Variants in TLL1 observed in about 807,000 individuals in gnomAD.
The protein encoded by TLL1 is tolloid like 1, also known as tolloid-like protein 1.
A neutral mutation model predicts 128.2 loss-of-function variants in TLL1; 49 were observed. The observed-to-expected ratio is 0.38, with a 90% confidence interval of 0.30 to 0.48. TLL1 has a LOEUF of 0.48. TLL1 is among the 20% of genes least tolerant of loss of function. The pLI, the probability that TLL1 is intolerant of heterozygous loss-of-function variation, is 0.96. For synonymous variants in TLL1, 454 were observed against 418.8 expected (o/e 1.08, Z -1.03); for missense variants, 1,123 against 1,242.0 (o/e 0.90, Z 1.44).
At chr4:166,016,472 A>T (rs888202305) in intron 8 of TLL1, among the ~76,000 whole-genome samples, 38 of 152,216 alleles carry the variant, frequency 2.5e-4, no homozygotes, top group African/African-American at 8.9e-4. Context: ...AGGAAGAATA[A>T]AAAACTAACC....
At chr4:166,081,455 C>G (rs765806260) in intron 18 of TLL1, among the ~76,000 whole-genome samples, 8 of 152,158 alleles carry the variant, frequency 5.3e-5, no homozygotes, top group Non-Finnish European at 1.2e-4. Context: ...CACAAATGTT[C>G]TTGTGAGCAG....
intron 1 of TLL1, among the ~76,000 whole-genome samples, chr4:165,966,047 TG>T (rs1380930207): frequency 1.3e-5 from 2 of 151,580 alleles, no homozygotes; most frequent in Non-Finnish European, 2.9e-5. Flanking sequence ...GGTGTGGTGG[TG>T]GGCGCCTGTA....
chr4:165,991,876 G>A (rs1277885869), intron 2 of TLL1, among the ~76,000 whole-genome samples: 4 of 151,888 alleles, frequency 2.6e-5, no homozygotes, highest in African/African-American at 9.7e-5. Flanking sequence ...GATGTCATTA[G>A]TGGCTGTATT....
intron 20 of TLL1, 69 bp from the exon 21 acceptor site, chr4:166,100,673 G>A (rs113057991): frequency 1.3e-5 from 21 of 1,593,860 alleles, no homozygotes; most frequent in East Asian, 1.1e-4. Context: ...CCAAACATGC[G>A]TTACACTGAA....
At chr4:166,091,498 A>G (rs1306129720) in intron 19 of TLL1, among the ~76,000 whole-genome samples, 157 bp downstream of exon 19, 3 of 152,128 alleles carry the variant, frequency 2.0e-5, no homozygotes, top group African/African-American at 7.2e-5. Context: ...ACCATACAGC[A>G]TCCTACCTAA....
intron 18 of TLL1, among the ~76,000 whole-genome samples, chr4:166,079,016 TTAG>T (rs1741165198): frequency 6.6e-6 from 1 of 152,210 alleles, no homozygotes; most frequent in Non-Finnish European, 1.5e-5. Flanking sequence ...ATTCATATTC[TTAG>T]TATGGAGGTC....
chr4:166,029,501 ATAT>A (rs1738657601), intron 9 of TLL1, among the ~76,000 whole-genome samples: 1 of 152,022 alleles, frequency 6.6e-6, no homozygotes, highest in Non-Finnish European at 1.5e-5. Context: ...ATAAACTATA[ATAT>A]TATTGTGGTA....
At chr4:165,889,566 A>G (rs1252673174) in intron 1 of TLL1, among the ~76,000 whole-genome samples, 1 of 152,244 alleles carries the variant, frequency 6.6e-6, no homozygotes, top group Non-Finnish European at 1.5e-5. Context: ...GTAAAGTGGT[A>G]TCACAAGTTA....
At chr4:166,098,360 T>G (rs535873997) in intron 19 of TLL1, among the ~76,000 whole-genome samples, 1 of 147,278 alleles carries the variant, frequency 6.8e-6, no homozygotes, top group Admixed American at 6.8e-5. Flanking sequence ...AAAAAAGCTT[T>G]GGGGCTCTGA....
chr4:165,897,419 G>C (rs976143791), intron 1 of TLL1, among the ~76,000 whole-genome samples: 2 of 152,072 alleles, frequency 1.3e-5, no homozygotes, highest in Non-Finnish European at 2.9e-5. Flanking sequence ...GTAAGGAAGT[G>C]GTCCAGTTTC....
Position 166,003,375 on chromosome 4 carries a change from T to A in TLL1, c.633-16T>A. 4.3e-6 allele frequency: 7 copies of A among 1,613,872 alleles called. No individual in the cohort carries two copies. Among genetic ancestry groups the A allele is most frequent in the Non-Finnish European group, 5.9e-6 (7 of 1,179,814 alleles). On this transcript the variant is annotated splice_polypyrimidine_tract_variant and intron_variant, in intron 5 of 20. Coordinates refer to ENST00000061240, the MANE Select transcript of TLL1 (RefSeq NM_012464.5). Reference sequence around the variant, plus strand: ...CCACCTTTCCACCACCATCTCCACTTTCTCTTTTATTCCAGATGCTGCTCC... The same window carrying A: ...CCACCTTTCCACCACCATCTCCACTATCTCTTTTATTCCAGATGCTGCTCC...
intron 1 of TLL1, among the ~76,000 whole-genome samples, chr4:165,979,542 T>C (rs568469878): frequency 2.0e-4 from 30 of 152,294 alleles, no homozygotes; most frequent in African/African-American, 6.3e-4. Context: ...ATATTTGTGA[T>C]ACTGGTTACT....
chr4:166,090,209 T>G (rs373007110), intron 18 of TLL1, among the ~76,000 whole-genome samples: 1 of 2,876 alleles, frequency 3.5e-4, no homozygotes, highest in Non-Finnish European at 2.8e-3. Context: ...TTCTATAGAC[T>G]TAAGTAGGAA....
intron 20 of TLL1, 150 bp downstream of exon 20, chr4:166,099,677 T>C (rs1039178004): frequency 9.5e-7 from 1 of 1,054,716 alleles, no homozygotes; most frequent in African/African-American, 1.6e-5. Context: ...TGACAAAATA[T>C]AACACGTCTC....
At chr4:165,880,921 C>A (rs2110810597) in intron 1 of TLL1, among the ~76,000 whole-genome samples, 1 of 152,276 alleles carries the variant, frequency 6.6e-6, no homozygotes, top group African/African-American at 2.4e-5. Flanking sequence ...TTCTTTGCCT[C>A]TGAGTGTATT....
intron 1 of TLL1, among the ~76,000 whole-genome samples, chr4:165,896,505 C>A (rs1731687839): frequency 7.3e-6 from 1 of 137,338 alleles, no homozygotes; most frequent in Admixed American, 7.5e-5. Flanking sequence ...TTTTTTCAGA[C>A]CGAGTCTCAC....
intron 1 of TLL1, among the ~76,000 whole-genome samples, chr4:165,927,550 A>G (rs1439659286): frequency 6.6e-6 from 1 of 152,206 alleles, no homozygotes; most frequent in Non-Finnish European, 1.5e-5. Context: ...ATATGAGAGT[A>G]TTGGTTTGAA....
intron 5 of TLL1, 142 bp from the exon 6 acceptor site, chr4:166,003,249 A>G: frequency 1.3e-6 from 1 of 781,258 alleles, no homozygotes; most frequent in Non-Finnish European, 2.2e-6. Flanking sequence ...GAAACTAGTC[A>G]TATGTAGTAA....
At chr4:165,947,621 C>T (rs1734320006) in intron 1 of TLL1, among the ~76,000 whole-genome samples, 1 of 151,998 alleles carries the variant, frequency 6.6e-6, no homozygotes, top group Admixed American at 6.6e-5. Flanking sequence ...TCTGAAATCT[C>T]AAGAGAGATT....
Sources: allele counts gnomAD v4.1 joint callset (sites outside exome capture counted in the v4.1 genomes callset), GRCh38; gene constraint gnomAD v4.1.1; transcripts MANE v1.5; gene names NCBI Gene and HGNC (gene_info 2026-07-23, HGNC 2026-07-21).